The following BAHD1 variants were observed in gnomAD, a reference collection of about 807,000 sequenced individuals.
BAHD1 encodes bromo adjacent homology domain-containing 1 protein.
A neutral mutation model predicts 63.1 loss-of-function variants in BAHD1; 20 were observed. The observed-to-expected ratio is 0.32, with a 90% CI of 0.22 to 0.46. BAHD1 has a LOEUF of 0.46. Ranked by LOEUF, BAHD1 falls within the 20% of genes least tolerant of loss-of-function variation. The pLI, the probability that BAHD1 is intolerant of heterozygous loss-of-function variation, is 1.00. For synonymous variants in BAHD1, 408 were observed against 426.8 expected (o/e 0.96, Z 0.54); for missense variants, 939 against 1,071.8 (o/e 0.88, Z 1.73).
At chr15:40,461,425 C>T (rs975243801) in intron 2 of BAHD1, among the ~76,000 whole-genome samples, 3 of 152,112 alleles carry the variant, frequency 2.0e-5, no homozygotes, top group Non-Finnish European at 4.4e-5. Context: ...ATTGCCTGAG[C>T]TCAGTAGGTT....
intron 1 of BAHD1, among the ~76,000 whole-genome samples, chr15:40,448,004 C>G (rs747688667): frequency 1.7e-4 from 26 of 152,162 alleles, no homozygotes; most frequent in Non-Finnish European, 3.4e-4. Flanking sequence ...AATCCCAGCA[C>G]TTTGGGAGGC....
chr15:40,444,751 C>T (rs757122733), intron 1 of BAHD1, among the ~76,000 whole-genome samples: 14 of 152,234 alleles, frequency 9.2e-5, no homozygotes, highest in Non-Finnish European at 1.8e-4. Flanking sequence ...TTTGGTTCAC[C>T]ATCAACCCTG....
At chr15:40,464,074 TA>T in intron 4 of BAHD1, 54 bp downstream of exon 4, 1 of 1,588,950 alleles carries the variant, frequency 6.3e-7, no homozygotes, top group Non-Finnish European at 8.6e-7. Flanking sequence ...AGCAGAACTG[TA>T]GTCCCCAGAT....
intron 3 of BAHD1, 137 bp downstream of exon 3, chr15:40,462,431 C>T: frequency 7.9e-7 from 1 of 1,270,266 alleles, no homozygotes; most frequent in Non-Finnish European, 1.1e-6. Context: ...ACTTGTACCC[C>T]AGGAACCAGT....
chr15:40,443,718 C>T (rs1221301287), intron 1 of BAHD1, among the ~76,000 whole-genome samples: 1 of 152,158 alleles, frequency 6.6e-6, no homozygotes, highest in Non-Finnish European at 1.5e-5. Context: ...CCTTTCCCTC[C>T]TGCTTCCTTT....
chr15:40,460,945 C>A (rs750592472), intron 2 of BAHD1, among the ~76,000 whole-genome samples: 1 of 152,150 alleles, frequency 6.6e-6, no homozygotes, highest in African/African-American at 2.4e-5. Flanking sequence ...AGTCTAGACC[C>A]TTATCCCCTC....
intron 1 of BAHD1, among the ~76,000 whole-genome samples, chr15:40,441,477 C>G (rs1418598675): frequency 1.3e-5 from 2 of 151,184 alleles, no homozygotes; most frequent in African/African-American, 4.8e-5. Context: ...CTCGCGCCAC[C>G]TCCCTCCCCT....
In BAHD1 at chr15:40,445,947, G is replaced by A. The variant is rs1893529280; in HGVS notation, c.-15+4679G>A. On this transcript the variant is annotated intron_variant, in intron 1 of 6. Coordinates refer to ENST00000416165, the MANE Select transcript of BAHD1 (RefSeq NM_014952.5). ...TGACTTGATGGGCCAGCTCATGGCT[G>A]GAAATGCCTGTTAACCCTGAAGTGA... 3.3e-5 allele frequency among the ~76,000 whole-genome samples: 5 copies of A among 152,190 alleles called. No individual in the cohort carries two copies. In the South Asian group the frequency reaches 1.0e-3, roughly 31 times the overall value.
intron 1 of BAHD1, among the ~76,000 whole-genome samples, chr15:40,443,760 C>G (rs1044325443): frequency 6.6e-6 from 1 of 152,112 alleles, no homozygotes; most frequent in African/African-American, 2.4e-5. Flanking sequence ...ATGCAGCTAC[C>G]AGGTCATTCT....
At chr15:40,443,575 G>A (rs943353053) in intron 1 of BAHD1, among the ~76,000 whole-genome samples, 1 of 152,140 alleles carries the variant, frequency 6.6e-6, no homozygotes, top group African/African-American at 2.4e-5. Flanking sequence ...CATGCCAGTC[G>A]GATCTGGTGT....
chr15:40,466,254 T>C lies in BAHD1; in HGVS notation c.*124T>C, dbSNP rs182902850. 12 of 822,990 alleles carry C rather than the reference T, an allele frequency of 1.5e-5. No homozygotes were observed. The highest frequency in any genetic ancestry group is 1.0e-4 in the East Asian group (3 of 29,118). 51.0% of individuals were successfully genotyped at this position (822,990 alleles called of 1,614,324 possible). On this transcript the variant is annotated 3_prime_UTR_variant, in exon 7 of 7. Transcript: ENST00000416165. ...CTAAGTTTGCTGGCCTGTGGTTTTCTTGGGGGGGAGGGCAGGGGCCCCTGT... is the reference window on the plus strand; with the variant it reads ...CTAAGTTTGCTGGCCTGTGGTTTTCCTGGGGGGGAGGGCAGGGGCCCCTGT...
intron 2 of BAHD1, among the ~76,000 whole-genome samples, 165 bp from the exon 3 acceptor site, chr15:40,461,747 A>G (rs1479902675): frequency 6.6e-6 from 1 of 152,180 alleles, no homozygotes; most frequent in East Asian, 1.9e-4. Flanking sequence ...CTGTCCCCTT[A>G]GAGAGTCACT....
At position 40,467,104 on chromosome 15, in the gene BAHD1, C is replaced by T. The variant is rs1267147410; in HGVS notation, c.*974C>T. ...CCTTTCCCTAGTCTTTTGTAGATTGCACTAATTTACATCCTAGCAAGAATC... is the reference window on the plus strand; with the variant it reads ...CCTTTCCCTAGTCTTTTGTAGATTGTACTAATTTACATCCTAGCAAGAATC... On this transcript the variant is annotated 3_prime_UTR_variant, in exon 7 of 7. Transcript: ENST00000416165. 1.3e-5 allele frequency: 2 copies of T among 152,650 alleles called. No homozygotes were observed. The highest frequency in any genetic ancestry group is 4.8e-5 in the African/African-American group (2 of 41,454). The allele number at this position is 152,650 out of a possible 1,614,324, so 9.5% of individuals were successfully genotyped here. A position where few individuals can be genotyped will look rare whatever the true frequency, so the allele number is the denominator to read the frequency against.
chr15:40,455,718 C>T (rs1201702866), intron 1 of BAHD1, among the ~76,000 whole-genome samples: 1 of 152,254 alleles, frequency 6.6e-6, no homozygotes, highest in Non-Finnish European at 1.5e-5. Context: ...CCTTGGCTCC[C>T]AGCCGTTCCC....
chr15:40,441,812 C>T lies in BAHD1; in HGVS notation c.-15+544C>T, dbSNP rs940552056. 8.6e-4 allele frequency among the ~76,000 whole-genome samples: 130 copies of T among 150,768 alleles called. 1 individual carries two copies. Among genetic ancestry groups the T allele is most frequent in the Non-Finnish European group, 3.7e-4 (25 of 67,484 alleles). ...TCGCCCGCTCAGGGTGGGGGGCGCC[C>T]TCCCGCGCTGGGAGCTGACCGGTTA... On this transcript the variant is annotated intron_variant, in intron 1 of 6. Coordinates refer to ENST00000416165, the MANE Select transcript of BAHD1 (RefSeq NM_014952.5).
intron 1 of BAHD1, among the ~76,000 whole-genome samples, chr15:40,445,266 A>AAC (rs1457075238): frequency 3.5e-4 from 53 of 151,646 alleles, no homozygotes; most frequent in Non-Finnish European, 2.5e-4. Flanking sequence ...TAAAAAAAAA[A>AAC]AAAAAAAAAA....
rs546593118 is a variant in BAHD1, at chr15:40,458,011, A to G, written c.-14-440A>G. Reference sequence around the variant, plus strand: ...GAGACTCCGTCTCTCAAAAAAAGAAAAAAAGAAGAAAGAATAAATGGACTT... The same window carrying G: ...GAGACTCCGTCTCTCAAAAAAAGAAGAAAAGAAGAAAGAATAAATGGACTT... On this transcript the variant is annotated intron_variant, in intron 1 of 6. Coordinates refer to ENST00000416165, the MANE Select transcript of BAHD1 (RefSeq NM_014952.5). This position sits in a 1 kb window ranked among gnomAD's most constrained non-coding sequence, Gnocchi z 4.7. Among the ~76,000 whole-genome samples, 6 of 152,260 alleles carry G rather than the reference A, an allele frequency of 3.9e-5. No individual in the cohort carries two copies. Among genetic ancestry groups the G allele is most frequent in the African/African-American group, 1.2e-4 (5 of 41,536 alleles).
At position 40,459,407 on chromosome 15, in the gene BAHD1, C is replaced by T; in HGVS notation, c.943C>T (p.Pro315Ser). Residue 315 changes from proline (P) to serine (S), a missense_variant, in exon 2 of 7, where the codon CCC becomes TCC. Pro to Ser is a moderately conservative substitution (Grantham distance 74). Coordinates refer to ENST00000416165, the MANE Select transcript of BAHD1 (RefSeq NM_014952.5). ...ESPLGLRPHLPLLMGGQAALK... is the reference protein window; with the variant it reads ...ESPLGLRPHLSLLMGGQAALK... The stretch of plus-strand genomic sequence containing the variant: ...CCCTTTGGGGCTGCGCCCTCACCTG[C>T]CCCTGCTGATGGGTGGACAGGCGGC... The T allele has an allele frequency of 1.2e-6, 2 of 1,612,984 alleles. No homozygotes were observed. The highest frequency in any genetic ancestry group is 1.7e-6 in the Non-Finnish European group (2 of 1,179,796).
At chr15:40,444,119 G>A (rs1893473647) in intron 1 of BAHD1, among the ~76,000 whole-genome samples, 1 of 152,004 alleles carries the variant, frequency 6.6e-6, no homozygotes, top group Non-Finnish European at 1.5e-5. Context: ...CTGTGTGTGT[G>A]TGTGTGTGTG....
Sources: allele counts gnomAD v4.1 joint callset (sites outside exome capture counted in the v4.1 genomes callset), GRCh38; gene constraint gnomAD v4.1.1; non-coding constraint Gnocchi (gnomAD v3.1); transcripts MANE v1.5; gene names NCBI Gene and HGNC (gene_info 2026-07-23, HGNC 2026-07-21).